The following MLXIPL variants were observed in gnomAD, a reference collection of about 807,000 sequenced individuals.
MLXIPL encodes MLX interacting protein like, also known as carbohydrate-responsive element-binding protein.
Under a neutral mutation model 81.5 loss-of-function variants are expected in MLXIPL, and 49 were observed. That is an observed-to-expected ratio of 0.60 (90% CI 0.48 to 0.76). The LOEUF (loss-of-function observed/expected upper bound fraction) is 0.76. Among genes scored for constraint, MLXIPL ranks in the 30% least tolerant of loss-of-function variants. The pLI, the probability that MLXIPL is intolerant of heterozygous loss-of-function variation, is 0.00. For missense variants in MLXIPL, 1,053 were observed against 1,167.0 expected, an observed-to-expected ratio of 0.90 and a Z score of 1.42; for synonymous variants, 466 against 485.5, an observed-to-expected ratio of 0.96 and a Z score of 0.53.
At position 73,596,241 on chromosome 7, in the gene MLXIPL, G is replaced by A. The variant is rs575097856; in HGVS notation, c.1970C>T (p.Ala657Val). ...GATGTTGAAGCGCCGCTTCTGCTCCGCGGAGATGTGTGTGATACGCCGGTT... is the reference window on the plus strand; with the variant it reads ...GATGTTGAAGCGCCGCTTCTGCTCCACGGAGATGTGTGTGATACGCCGGTT... ...TENRRITHIS[A>V]EQKRRFNIKL... Residue 657 changes from alanine (A) to valine (V), a missense_variant, in exon 13 of 17, where the codon GCG becomes GTG. Physicochemically the swap from Ala to Val is moderately conservative, Grantham distance 64. Around this residue, in one of 3 missense-constraint regions of MLXIPL, gnomAD observed 823 missense variants for 933.0 expected, o/e 0.88. Transcript: ENST00000313375. This position sits in a 1 kb window ranked among gnomAD's most constrained non-coding sequence, Gnocchi z 4.7. The A allele has an allele frequency of 2.2e-5, 36 of 1,613,352 alleles. No individual in the cohort carries two copies. Among genetic ancestry groups the A allele is most frequent in the Admixed American group, 1.2e-4 (7 of 59,956 alleles).
chr7:73,632,107 C>T, the MLXIPL span, among the ~76,000 whole-genome samples: 1 of 151,924 alleles, frequency 6.6e-6, no homozygotes, highest in South Asian at 2.1e-4. Flanking sequence ...ATCCTCCTGC[C>T]TCAGCCTCCT....
intron 2 of MLXIPL, among the ~76,000 whole-genome samples, chr7:73,615,296 A>T (rs1795943284): frequency 6.6e-6 from 1 of 152,052 alleles, no homozygotes; most frequent in Non-Finnish European, 1.5e-5. Flanking sequence ...CACCTACTGG[A>T]TATTCAGGAA....
Position 73,616,053 on chromosome 7 carries a change from C to T in MLXIPL, c.400+18G>A. The T allele has an allele frequency of 6.2e-7, 1 of 1,605,136 alleles. No individual in the cohort carries two copies. Among genetic ancestry groups the T allele is most frequent in the Admixed American group, 1.7e-5 (1 of 59,950 alleles). ...GGGCAGTCCCTCCCGGCTTGGGAGG[C>T]TGGTGGTAGCCACTCACACTGGATA... On this transcript the variant is annotated intron_variant, in intron 2 of 16. Transcript: ENST00000313375.
chr7:73,599,011 T>C (rs1794573904), intron 8 of MLXIPL, among the ~76,000 whole-genome samples: 1 of 148,584 alleles, frequency 6.7e-6, no homozygotes, highest in Admixed American at 6.8e-5. Flanking sequence ...GAGGTTACAG[T>C]GAGCCGAGAT....
chr7:73,606,048 C>G lies in MLXIPL; in HGVS notation c.682G>C (p.Val228Leu), dbSNP rs782479538. 3 of 1,590,924 alleles carry G rather than the reference C, an allele frequency of 1.9e-6. No individual in the cohort carries two copies. Among genetic ancestry groups the G allele is most frequent in the African/African-American group, 2.7e-5 (2 of 74,674 alleles). The change falls in exon 6 of 17, where the codon GTG (valine) becomes CTG (leucine). Residue 228 changes from valine to leucine, a missense_variant. Physicochemically the swap from Val to Leu is conservative, Grantham distance 32 (BLOSUM62 1). Around this residue, in one of 3 missense-constraint regions of MLXIPL, gnomAD observed 823 missense variants for 933.0 expected, o/e 0.88. Transcript: ENST00000313375. Reference protein sequence around the residue: ...CKQLFSSVVPVLLGDPEEEPG... With the variant: ...CKQLFSSVVPLLLGDPEEEPG... ...TCCTCCTCTGGGTCCCCCAGCAGCA[C>G]GGGGACCACACTGGAGAAGAGCTGT... is the stretch of plus-strand genomic sequence containing the variant.
At chr7:73,629,403 C>A (rs541670221), upstream of MLXIPL, among the ~76,000 whole-genome samples, 21 of 152,110 alleles carry the variant, frequency 1.4e-4, no homozygotes, top group Non-Finnish European at 2.8e-4. Context: ...TGATGACGCA[C>A]GTGCTTTTCC....
At chr7:73,604,300 G>A (rs1354221710) in intron 7 of MLXIPL, among the ~76,000 whole-genome samples, 3 of 151,298 alleles carry the variant, frequency 2.0e-5, no homozygotes, top group Non-Finnish European at 2.9e-5. Flanking sequence ...CACTGGGCAC[G>A]GTGGCACACA....
At chr7:73,608,651 C>T (rs1795486711) in intron 2 of MLXIPL, among the ~76,000 whole-genome samples, 1 of 152,064 alleles carries the variant, frequency 6.6e-6, no homozygotes, top group South Asian at 2.1e-4. Flanking sequence ...AGCCTTGGGT[C>T]CTCTGCCTCA....
chr7:73,624,500 G>A lies in MLXIPL; in HGVS notation c.-8C>T. The A allele has an allele frequency of 6.6e-7, 1 of 1,523,012 alleles. No individual in the cohort carries two copies. Among genetic ancestry groups the A allele is most frequent in the Non-Finnish European group, 8.8e-7 (1 of 1,141,972 alleles). The allele number at this position is 1,523,012 out of a possible 1,614,324, so 94.3% of individuals were successfully genotyped here. On this transcript the variant is annotated 5_prime_UTR_variant, in exon 1 of 17. Transcript: ENST00000313375. ...TGCCAGCGCGCCGGCCATGGCTGTC[G>A]CCGCCGCAACCGCCTGGTCCCTGCT... is the stretch of plus-strand genomic sequence containing the variant.
the MLXIPL span, among the ~76,000 whole-genome samples, chr7:73,638,904 CA>C: frequency 6.6e-6 from 1 of 152,058 alleles, no homozygotes; most frequent in African/African-American, 2.4e-5. Context: ...CATGAGCCAC[CA>C]TGCTGGGGCT....
chr7:73,612,890 G>T (rs1385000402), intron 2 of MLXIPL, among the ~76,000 whole-genome samples: 2 of 152,152 alleles, frequency 1.3e-5, no homozygotes, highest in East Asian at 3.9e-4. Context: ...AATCAGGCAG[G>T]GTGCCCACAG....
intron 1 of MLXIPL, 75 bp downstream of exon 1, chr7:73,624,125 G>A (rs577351806): frequency 1.3e-4 from 195 of 1,468,126 alleles, no homozygotes; most frequent in Non-Finnish European, 1.6e-4. Flanking sequence ...GGGCCCCAGC[G>A]CGCAGTCCTG....
At chr7:73,605,611 G>A in intron 7 of MLXIPL, 77 bp downstream of exon 7, 1 of 1,339,148 alleles carries the variant, frequency 7.5e-7, no homozygotes. Context: ...CCTCCCAGAG[G>A]GGCCTGGGAT....
chr7:73,632,118 A>G, the MLXIPL span, among the ~76,000 whole-genome samples: 1 of 151,662 alleles, frequency 6.6e-6, no homozygotes, highest in Non-Finnish European at 1.5e-5. Context: ...TCAGCCTCCT[A>G]AGTAGCTGGG....
chr7:73,644,059 C>T, the MLXIPL span, among the ~76,000 whole-genome samples: 1 of 151,978 alleles, frequency 6.6e-6, no homozygotes, highest in East Asian at 1.9e-4. Flanking sequence ...CTTGTGCCAC[C>T]ATGCTTGGCT....
intron 1 of MLXIPL, among the ~76,000 whole-genome samples, 199 bp from the exon 2 acceptor site, chr7:73,616,376 C>T (rs12667353): frequency 0.047 from 7,158 of 152,168 alleles, 344 homozygotes; most frequent in East Asian, 0.12. Flanking sequence ...CTCCCACCAG[C>T]GGCCCCTGTG....
intron 2 of MLXIPL, chr7:73,609,118 T>C (rs1367288957): frequency 2.0e-5 from 3 of 152,054 alleles, no homozygotes; most frequent in Admixed American, 2.0e-4. Flanking sequence ...CTCTTCCTTT[T>C]TATTACTGTT....
intron 7 of MLXIPL, among the ~76,000 whole-genome samples, chr7:73,602,495 A>G (rs112572045): frequency 0.025 from 3,700 of 148,020 alleles, 189 homozygotes; most frequent in African/African-American, 0.088. Flanking sequence ...ATGAGGGGAA[A>G]CCCCGTTTCT....
chr7:73,605,630 C>G (rs564455131), intron 7 of MLXIPL, 58 bp downstream of exon 7: 11 of 1,549,728 alleles, frequency 7.1e-6, no homozygotes, highest in South Asian at 1.1e-5. Context: ...ATGGGCTCAT[C>G]GGCCTTCCTC....
Sources: gnomAD v4.1 joint callset for allele counts (sites outside exome capture counted in the v4.1 genomes callset) on GRCh38, gnomAD v4.1.1 for gene constraint, gnomAD v4.1.1 regional missense constraint, Gnocchi (gnomAD v3.1) non-coding constraint, MANE v1.5 for transcripts, NCBI Gene and HGNC (gene_info 2026-07-23, HGNC 2026-07-21) for gene names.